SCUBE3: variants seen among roughly 807,000 people sequenced by gnomAD.
SCUBE3 encodes the protein signal peptide, CUB domain and EGF like domain containing 3, also known as signal peptide, CUB and EGF-like domain-containing protein 3.
SCUBE3 carries 33 observed loss-of-function variants against 116.8 expected under a neutral mutation model. The observed-to-expected ratio is 0.28, with a 90% confidence interval of 0.21 to 0.38. SCUBE3 has a LOEUF of 0.38. Ranked by LOEUF, SCUBE3 falls within the 10% of genes least tolerant of loss-of-function variation. SCUBE3 has a pLI of 1.00. For synonymous variants in SCUBE3, 418 were observed against 496.9 expected, an observed-to-expected ratio of 0.84 and a Z score of 2.11; for missense variants, 1,007 against 1,324.8, an observed-to-expected ratio of 0.76 and a Z score of 3.72.
In SCUBE3 at chr6:35,248,726, C is replaced by G; in HGVS notation, c.*21C>G. ...AATAGTAACCCTAGGCTCAGAGACC[C>G]AATTTTTTAAGCCCCCAGACTCCTT... On this transcript the variant is annotated 3_prime_UTR_variant, in exon 22 of 22. Coordinates refer to ENST00000274938, the MANE Select transcript of SCUBE3 (RefSeq NM_152753.4). 3.1e-6 allele frequency: 5 copies of G among 1,611,490 alleles called. No homozygotes were observed. Among genetic ancestry groups the G allele is most frequent in the Non-Finnish European group, 4.2e-6 (5 of 1,178,362 alleles).
At chr6:35,218,393 G>A (rs900552924) in intron 1 of SCUBE3, among the ~76,000 whole-genome samples, 3 of 152,204 alleles carry the variant, frequency 2.0e-5, no homozygotes, top group Non-Finnish European at 4.4e-5. Flanking sequence ...GGAAGGGAAC[G>A]AAGGGCTTCA....
chr6:35,248,308 G>A (rs749032246), intron 21 of SCUBE3, among the ~76,000 whole-genome samples: 3 of 152,170 alleles, frequency 2.0e-5, no homozygotes. Context: ...ATACTTGTAA[G>A]CAAGAAAGAG....
chr6:35,244,786 C>G lies in SCUBE3; in HGVS notation c.2376C>G (p.Gly792=). 6.2e-7 allele frequency: 1 copy of G among 1,614,210 alleles called. No homozygotes were observed. Among genetic ancestry groups the G allele is most frequent in the Non-Finnish European group, 8.5e-7 (1 of 1,180,014 alleles). Residue 792 remains glycine, a synonymous_variant, in exon 18 of 22, where the codon GGC becomes GGG. Coordinates refer to ENST00000274938, the MANE Select transcript of SCUBE3 (RefSeq NM_152753.4). This position sits in a 1 kb window ranked among gnomAD's most constrained non-coding sequence, Gnocchi z 4.3. The part of the protein sequence containing the change: ...CPGNTSTDFD[G]STSVAQCKNR... ...GAAACACAAGCACAGACTTTGATGG[C>G]TCTACCAGTGTGGCCCAATGCAAGA...
chr6:35,244,870 C>T lies in SCUBE3; in HGVS notation c.2401+59C>T. 3 of 1,552,568 alleles carry T rather than the reference C, an allele frequency of 1.9e-6. No individual in the cohort carries two copies. Among genetic ancestry groups the T allele is most frequent in the Non-Finnish European group, 2.7e-6 (3 of 1,128,428 alleles). ...AGAGAGGCCTGGGAGCAGTGGACATCTAAAGGAGGGGTGTGAAACCAACAG... is the reference window on the plus strand; with the variant it reads ...AGAGAGGCCTGGGAGCAGTGGACATTTAAAGGAGGGGTGTGAAACCAACAG... On this transcript the variant is annotated intron_variant, in intron 18 of 21. Transcript: ENST00000274938. This position sits in a 1 kb window ranked among gnomAD's most constrained non-coding sequence, Gnocchi z 4.3.
At position 35,235,239 on chromosome 6, in the gene SCUBE3, A is replaced by C. The variant is rs1447870997; in HGVS notation, c.712+1938A>C. ...CTGAGACTGTTTCAGTTTTTCAGTC[A>C]CTTGCGGGGAGCTTGGCATCTTTGG... On this transcript the variant is annotated intron_variant, in intron 6 of 21. Coordinates refer to ENST00000274938, the MANE Select transcript of SCUBE3 (RefSeq NM_152753.4). The surrounding 1 kb of genome is among the most constrained non-coding windows in gnomAD (Gnocchi z 4.5). Among the ~76,000 whole-genome samples, 1 of 152,168 alleles carries C rather than the reference A, an allele frequency of 6.6e-6. No individual in the cohort carries two copies.
At chr6:35,217,040 A>G (rs1449726014) in intron 1 of SCUBE3, among the ~76,000 whole-genome samples, 1 of 151,732 alleles carries the variant, frequency 6.6e-6, no homozygotes, top group African/African-American at 2.4e-5. Context: ...TGAGAACTGT[A>G]TGGAAGAGTA....
intron 1 of SCUBE3, chr6:35,224,779 T>G (rs1171951167): frequency 6.6e-6 from 1 of 152,252 alleles, no homozygotes; most frequent in Admixed American, 6.5e-5. Context: ...CAGTCTCTAG[T>G]GAAGCACCAG....
intron 1 of SCUBE3, among the ~76,000 whole-genome samples, chr6:35,225,203 C>T (rs983134246): frequency 6.6e-6 from 1 of 152,238 alleles, no homozygotes; most frequent in Non-Finnish European, 1.5e-5. Flanking sequence ...ATCAGCTACT[C>T]ACAGCCTCTC....
At chr6:35,216,341 TTAGAG>T (rs565097814) in intron 1 of SCUBE3, among the ~76,000 whole-genome samples, 225 of 152,324 alleles carry the variant, frequency 1.5e-3, no homozygotes, top group Non-Finnish European at 2.7e-3. Flanking sequence ...CTCAAGGAAC[TTAGAG>T]TAGTTTTTGT....
At chr6:35,216,794 C>G (rs904027968) in intron 1 of SCUBE3, among the ~76,000 whole-genome samples, 5 of 152,134 alleles carry the variant, frequency 3.3e-5, no homozygotes, top group African/African-American at 1.2e-4. Context: ...AGTTACTATA[C>G]CTCTGGGGGT....
rs1430302486 is a variant in SCUBE3, at chr6:35,239,168, T to C, written c.830-584T>C. Among the ~76,000 whole-genome samples the C allele has an allele frequency of 6.6e-6, 1 of 151,928 alleles. No homozygotes were observed. The highest frequency in any genetic ancestry group is 2.4e-5 in the African/African-American group (1 of 41,348). ...ATCTCTCCCAGTCCAGCCCCTTGCCTGGCCCCCAGCCCTCCCCCATCAGCT... is the reference window on the plus strand; with the variant it reads ...ATCTCTCCCAGTCCAGCCCCTTGCCCGGCCCCCAGCCCTCCCCCATCAGCT... On this transcript the variant is annotated intron_variant, in intron 7 of 21. Transcript: ENST00000274938. The surrounding 1 kb of genome is among the most constrained non-coding windows in gnomAD (Gnocchi z 4.1).
rs1419009616 is a variant in SCUBE3 at position 35,239,839 on chromosome 6, G to C, written c.917G>C (p.Gly306Ala). The C allele has an allele frequency of 6.2e-7, 1 of 1,610,634 alleles. No individual in the cohort carries two copies. Among genetic ancestry groups the C allele is most frequent in the Non-Finnish European group, 8.5e-7 (1 of 1,179,028 alleles). Residue 306 changes from glycine (G) to alanine (A), a missense_variant, in exon 8 of 22, where the codon GGC (glycine) becomes GCC (alanine). Gly to Ala is a moderately conservative substitution (Grantham distance 60). Coordinates refer to ENST00000274938, the MANE Select transcript of SCUBE3 (RefSeq NM_152753.4). The surrounding 1 kb of genome is among the most constrained non-coding windows in gnomAD (Gnocchi z 4.1). ...AGCTTCGAATGCAGTTGCAAGAAAG[G>C]CTATAAGCTTCTCATCAATGAGAGG... is the stretch of plus-strand genomic sequence containing the variant. ...VGSFECSCKK[G>A]YKLLINERNC...
rs182161580 is a variant in SCUBE3, at chr6:35,234,562, C to T, written c.712+1261C>T. 4.3e-4 allele frequency among the ~76,000 whole-genome samples: 65 copies of T among 152,314 alleles called. 1 individual carries two copies. The highest frequency in any genetic ancestry group is 8.5e-4 in the Non-Finnish European group (58 of 68,028). On this transcript the variant is annotated intron_variant, in intron 6 of 21. Transcript: ENST00000274938. ...AAAGACCCCAGAACATTTTTAGGCT[C>T]TTCTCATTGCCTTCTTTGGGCTGGT...
rs1404648967 is a variant in SCUBE3 at position 35,228,839 on chromosome 6, G to C, written c.334+100G>C. ...CAGGGAAGGAGGAGAGAGTGATCAAGAAGAGCTACATTCACAAGAGAATAA... is the reference window on the plus strand; with the variant it reads ...CAGGGAAGGAGGAGAGAGTGATCAACAAGAGCTACATTCACAAGAGAATAA... On this transcript the variant is annotated intron_variant, in intron 3 of 21. Coordinates refer to ENST00000274938, the MANE Select transcript of SCUBE3 (RefSeq NM_152753.4). The surrounding 1 kb of genome is among the most constrained non-coding windows in gnomAD (Gnocchi z 4.9). 8.0e-7 allele frequency: 1 copy of C among 1,256,608 alleles called. No individual in the cohort carries two copies. The highest frequency in any genetic ancestry group is 1.5e-5 in the African/African-American group (1 of 68,138). The allele number at this position is 1,256,608 out of a possible 1,614,324, so 77.8% of individuals were successfully genotyped here.
intron 7 of SCUBE3, among the ~76,000 whole-genome samples, chr6:35,238,589 C>T (rs980836389): frequency 3.9e-5 from 6 of 152,154 alleles, no homozygotes; most frequent in African/African-American, 1.4e-4. Context: ...CCATAGTGCT[C>T]GCCTCATACT....
At chr6:35,223,873 G>A (rs982832948) in intron 1 of SCUBE3, 4 of 152,192 alleles carry the variant, frequency 2.6e-5, no homozygotes, top group African/African-American at 9.7e-5. Flanking sequence ...TTTGTCTTAG[G>A]TCTGTTCTGC....
At chr6:35,224,472 A>G (rs2150288984) in intron 1 of SCUBE3, 1 of 152,194 alleles carries the variant, frequency 6.6e-6, no homozygotes, top group South Asian at 2.1e-4. Flanking sequence ...TATTAATAAT[A>G]CAAAAATTAG....
At position 35,235,419 on chromosome 6, in the gene SCUBE3, A is replaced by C; in HGVS notation, c.712+2118A>C. On this transcript the variant is annotated intron_variant, in intron 6 of 21. Transcript: ENST00000274938. The surrounding 1 kb of genome is among the most constrained non-coding windows in gnomAD (Gnocchi z 4.5). ...CCACAGTGGCTTCTGCCCAGCACCT[A>C]AACAGCTTTTTTACAATGTCAAACA... 8.0e-7 allele frequency: 1 copy of C among 1,249,652 alleles called. No individual in the cohort carries two copies. The highest frequency in any genetic ancestry group is 1.1e-6 in the Non-Finnish European group (1 of 951,796). The allele number at this position is 1,249,652 out of a possible 1,614,324, so 77.4% of individuals were successfully genotyped here.
At position 35,243,561 on chromosome 6, in the gene SCUBE3, G is replaced by T; in HGVS notation, c.1910-33G>T. 6.5e-7 allele frequency: 1 copy of T among 1,543,028 alleles called. No individual in the cohort carries two copies. Among genetic ancestry groups the T allele is most frequent in the South Asian group, 1.2e-5 (1 of 83,054 alleles). On this transcript the variant is annotated intron_variant, in intron 15 of 21. Coordinates refer to ENST00000274938, the MANE Select transcript of SCUBE3 (RefSeq NM_152753.4). This position sits in a 1 kb window ranked among gnomAD's most constrained non-coding sequence, Gnocchi z 6.6. ...AGGCCTGGGTGGTGGGAAATGCGGG[G>T]GTGGGTGGCTAGCGCGGCCGACTCT...
Sources: gnomAD v4.1 joint callset for allele counts (sites outside exome capture counted in the v4.1 genomes callset) on GRCh38, gnomAD v4.1.1 for gene constraint, Gnocchi (gnomAD v3.1) non-coding constraint, MANE v1.5 for transcripts, NCBI Gene and HGNC (gene_info 2026-07-23, HGNC 2026-07-21) for gene names.